Variants in RANBP2 observed in about 807,000 individuals in gnomAD.
The protein encoded by RANBP2 is RAN binding protein 2, also known as E3 SUMO-protein ligase RanBP2.
A neutral mutation model predicts 303.6 loss-of-function variants in RANBP2; 57 were observed. That is an observed-to-expected ratio of 0.19 (90% CI 0.15 to 0.23). RANBP2 has a LOEUF of 0.23. Ranked by LOEUF, RANBP2 falls within the 10% of genes least tolerant of loss-of-function variation. RANBP2 has a pLI of 1.00. For synonymous variants in RANBP2, 1,167 were observed against 1,301.5 expected, an observed-to-expected ratio of 0.90 and a Z score of 2.23; for missense variants, 3,138 against 3,780.8, an observed-to-expected ratio of 0.83 and a Z score of 4.46.
At chr2:109,661,837 T>G in the RANBP2 span, among the ~76,000 whole-genome samples, 1 of 152,164 alleles carries the variant, frequency 6.6e-6, no homozygotes, top group Non-Finnish European at 1.5e-5. Context: ...CCTACTCTAT[T>G]TCTTCCTCTG....
At chr2:109,629,203 A>AAAATAAAT in the RANBP2 span, among the ~76,000 whole-genome samples, 58,990 of 118,026 alleles carry the variant, frequency 0.5, 14,773 homozygotes, top group Middle Eastern at 0.61. Flanking sequence ...CTCCGTCTCA[A>AAAATAAAT]AAATAAATAA....
At chr2:109,516,844 A>G in the RANBP2 span, among the ~76,000 whole-genome samples, 1 of 152,196 alleles carries the variant, frequency 6.6e-6, no homozygotes, top group East Asian at 1.9e-4. Context: ...CTTTCCCACG[A>G]TATTTTTAGT....
At chr2:109,386,561 G>GT in the RANBP2 span, among the ~76,000 whole-genome samples, 5 of 152,254 alleles carry the variant, frequency 3.3e-5, no homozygotes, top group Non-Finnish European at 7.3e-5. Flanking sequence ...CGGCCCTTGA[G>GT]TGTGAGTCCT....
At chr2:108,943,365 C>T in the RANBP2 span, among the ~76,000 whole-genome samples, 1 of 152,170 alleles carries the variant, frequency 6.6e-6, no homozygotes, top group Non-Finnish European at 1.5e-5. Context: ...TAAAACCTTT[C>T]ATTTCTGGCT....
At chr2:109,009,888 T>C in the RANBP2 span, among the ~76,000 whole-genome samples, 4 of 152,110 alleles carry the variant, frequency 2.6e-5, no homozygotes, top group African/African-American at 7.2e-5. Context: ...GGTTTCATAA[T>C]TGGGATCACA....
At chr2:108,970,895 T>C in the RANBP2 span, among the ~76,000 whole-genome samples, 19 of 152,308 alleles carry the variant, frequency 1.2e-4, no homozygotes, top group East Asian at 3.7e-3. Context: ...ATACAAGTGA[T>C]AGATTTGCTA....
At chr2:109,093,251 T>C in the RANBP2 span, among the ~76,000 whole-genome samples, 1 of 152,144 alleles carries the variant, frequency 6.6e-6, no homozygotes, top group Non-Finnish European at 1.5e-5. Flanking sequence ...TGGCCCAGGT[T>C]CAATTCTTGG....
chr2:109,406,123 T>G, the RANBP2 span, among the ~76,000 whole-genome samples: 1 of 152,178 alleles, frequency 6.6e-6, no homozygotes, highest in Non-Finnish European at 1.5e-5. Flanking sequence ...CCCTAGGGAT[T>G]CTTCCTCTGC....
the RANBP2 span, among the ~76,000 whole-genome samples, chr2:109,610,486 G>A: frequency 0.046 from 7,053 of 152,182 alleles, 563 homozygotes; most frequent in African/African-American, 0.16. Context: ...AGACTGAGAC[G>A]GGTGGATCAC....
chr2:109,320,656 G>A, the RANBP2 span, among the ~76,000 whole-genome samples: 1 of 152,200 alleles, frequency 6.6e-6, no homozygotes, highest in Non-Finnish European at 1.5e-5. Context: ...CACCCAATAT[G>A]CACAACTGTT....
chr2:109,063,296 A>C, the RANBP2 span, among the ~76,000 whole-genome samples: 1 of 152,076 alleles, frequency 6.6e-6, no homozygotes, highest in Non-Finnish European at 1.5e-5. Context: ...ATTACGGTGG[A>C]ACCTTTGAGC....
At chr2:108,990,456 AAAT>A in the RANBP2 span, among the ~76,000 whole-genome samples, 1 of 150,744 alleles carries the variant, frequency 6.6e-6, no homozygotes, top group Admixed American at 6.6e-5. Context: ...AAAAAAAAAA[AAAT>A]ATACAAAAAT....
chr2:109,319,370 G>C, the RANBP2 span, among the ~76,000 whole-genome samples: 1 of 152,252 alleles, frequency 6.6e-6, no homozygotes, highest in East Asian at 1.9e-4. Context: ...CCTGAGCTGT[G>C]TCTGCCTGTG....
At chr2:109,482,573 C>T in the RANBP2 span, among the ~76,000 whole-genome samples, 29 of 152,334 alleles carry the variant, frequency 1.9e-4, no homozygotes, top group South Asian at 3.1e-3. Flanking sequence ...CCGCGCCCAG[C>T]CCGGGGCCAT....
At chr2:109,461,863 TAATA>T in the RANBP2 span, among the ~76,000 whole-genome samples, 1 of 152,180 alleles carries the variant, frequency 6.6e-6, no homozygotes, top group Non-Finnish European at 1.5e-5. Flanking sequence ...GGGGGTCACT[TAATA>T]AATAGGCCAA....
the RANBP2 span, chr2:109,794,608 C>CGACGGCGGCGGCGGCGGCGGCGGCCG: frequency 5.2e-6 from 1 of 192,002 alleles, no homozygotes; most frequent in Non-Finnish European, 6.0e-6. Context: ...GCGGCGGCGG[C>CGACGGCGGCGGCGGCGGCGGCGGCCG]GGGGGGGGCG....
the RANBP2 span, among the ~76,000 whole-genome samples, chr2:108,953,070 C>A: frequency 6.6e-6 from 1 of 152,312 alleles, no homozygotes; most frequent in Admixed American, 6.5e-5. Flanking sequence ...GCATGCAATG[C>A]GTAATAACCA....
the RANBP2 span, chr2:109,613,841 G>A: frequency 4.0e-6 from 5 of 1,237,240 alleles, no homozygotes; most frequent in South Asian, 3.9e-5. Context: ...CGCGGGCAGG[G>A]GCACGGTGAA....
At chr2:109,148,304 G>A in the RANBP2 span, among the ~76,000 whole-genome samples, 2 of 152,244 alleles carry the variant, frequency 1.3e-5, no homozygotes, top group African/African-American at 2.4e-5. Flanking sequence ...GGAATCCACC[G>A]GGACGGTGTG....
Sources: gnomAD v4.1 joint callset for allele counts (sites outside exome capture counted in the v4.1 genomes callset) on GRCh38, gnomAD v4.1.1 for gene constraint, MANE v1.5 for transcripts, NCBI Gene and HGNC (gene_info 2026-07-23, HGNC 2026-07-21) for gene names.